CLNK: variants seen among roughly 807,000 people sequenced by gnomAD.
CLNK encodes cytokine dependent hematopoietic cell linker, also known as cytokine-dependent hematopoietic cell linker.
Under a neutral mutation model 68.6 loss-of-function variants are expected in CLNK, and 74 were observed. The ratio of observed to expected loss-of-function variants is 1.08; its 90% CI spans 0.89 to 1.31. CLNK has a LOEUF of 1.31. Ranked by LOEUF, CLNK falls within the 50% of genes most tolerant of loss-of-function variation. CLNK has a pLI of 0.00. For synonymous variants in CLNK, 198 were observed against 172.2 expected, an observed-to-expected ratio of 1.15 and a Z score of -1.17; for missense variants, 553 against 515.3, an observed-to-expected ratio of 1.07 and a Z score of -0.71.
chr4:10,708,822 A>G, the CLNK span, among the ~76,000 whole-genome samples: 3 of 152,232 alleles, frequency 2.0e-5, no homozygotes, highest in African/African-American at 7.2e-5. Flanking sequence ...CTTCATTCAT[A>G]GCATTTACAG....
intron 11 of CLNK, among the ~76,000 whole-genome samples, chr4:10,540,193 C>A (rs1024273983): frequency 6.6e-6 from 1 of 152,152 alleles, no homozygotes; most frequent in Non-Finnish European, 1.5e-5. Context: ...TTATACAGGG[C>A]TCTTCGCCAT....
intron 13 of CLNK, among the ~76,000 whole-genome samples, chr4:10,526,235 G>T (rs1337667017): frequency 6.6e-6 from 1 of 152,122 alleles, no homozygotes; most frequent in Admixed American, 6.5e-5. Context: ...GATTTTAAAA[G>T]ATTTTTAGCT....
intron 8 of CLNK, among the ~76,000 whole-genome samples, chr4:10,550,931 T>C (rs1283752198): frequency 6.6e-6 from 1 of 152,176 alleles, no homozygotes; most frequent in Non-Finnish European, 1.5e-5. Flanking sequence ...GCACTGAGAT[T>C]CCACGCAGCG....
At chr4:10,722,684 C>T in the CLNK span, among the ~76,000 whole-genome samples, 2 of 152,194 alleles carry the variant, frequency 1.3e-5, no homozygotes, top group East Asian at 1.9e-4. Context: ...TGCTATTGTA[C>T]ACTCCACAGG....
intron 2 of CLNK, among the ~76,000 whole-genome samples, chr4:10,637,246 G>C (rs773199315): frequency 7.2e-5 from 11 of 152,100 alleles, no homozygotes; most frequent in Non-Finnish European, 1.5e-4. Context: ...GAGCAAAAGG[G>C]AGTGTATTGT....
At chr4:10,494,156 T>C (rs1382930832) in intron 18 of CLNK, among the ~76,000 whole-genome samples, 2 of 152,244 alleles carry the variant, frequency 1.3e-5, no homozygotes, top group Non-Finnish European at 2.9e-5. Flanking sequence ...TTTCTCTGTC[T>C]TCATGCTTGC....
chr4:10,603,628 G>A lies in CLNK; in HGVS notation c.12-5579C>T, dbSNP rs984754850. ...AAGAGAAAGAGGCAGAATTGGGCAG[G>A]GGGAAAAGTGGGCTGTGATGCAGTT... On this transcript the variant is annotated intron_variant, in intron 2 of 18. Transcript: ENST00000226951. Among the ~76,000 whole-genome samples, 15 of 152,326 alleles carry A rather than the reference G, an allele frequency of 9.8e-5. No individual in the cohort carries two copies. The East Asian group carries it at 2.5e-3, about 25-fold the overall frequency.
chr4:10,604,075 C>T (rs1001488337), intron 2 of CLNK, among the ~76,000 whole-genome samples: 2 of 152,150 alleles, frequency 1.3e-5, no homozygotes, highest in African/African-American at 4.8e-5. Flanking sequence ...ACAAGCTATT[C>T]AATGAATCTC....
At chr4:10,533,150 C>T (rs534741500) in intron 11 of CLNK, among the ~76,000 whole-genome samples, 1 of 152,032 alleles carries the variant, frequency 6.6e-6, no homozygotes, top group Non-Finnish European at 1.5e-5. Flanking sequence ...CCCAGCTACT[C>T]GGGAGGCTGA....
chr4:10,672,043 C>A (rs982419630), intron 1 of CLNK, among the ~76,000 whole-genome samples: 3 of 152,108 alleles, frequency 2.0e-5, no homozygotes, highest in Admixed American at 6.6e-5. Context: ...ACTAAGATTG[C>A]AATGCATTGT....
intron 3 of CLNK, among the ~76,000 whole-genome samples, chr4:10,593,993 A>G (rs1341347814): frequency 1.3e-5 from 2 of 152,162 alleles, no homozygotes; most frequent in African/African-American, 4.8e-5. Flanking sequence ...CAAGCCCTTC[A>G]GCTCCCTGGT....
intron 2 of CLNK, among the ~76,000 whole-genome samples, chr4:10,618,353 G>C (rs952829382): frequency 6.6e-6 from 1 of 152,184 alleles, no homozygotes; most frequent in African/African-American, 2.4e-5. Flanking sequence ...ATTAGTAATT[G>C]CCTGGGGAAG....
At chr4:10,619,259 C>T (rs1020741076) in intron 2 of CLNK, among the ~76,000 whole-genome samples, 6 of 152,294 alleles carry the variant, frequency 3.9e-5, no homozygotes, top group South Asian at 2.1e-4. Context: ...AGCCTTTTCA[C>T]GCTAAATTAG....
chr4:10,546,509 T>C (rs1277570509), intron 8 of CLNK, among the ~76,000 whole-genome samples: 1 of 152,206 alleles, frequency 6.6e-6, no homozygotes, highest in Non-Finnish European at 1.5e-5. Flanking sequence ...CAGAATGGCC[T>C]TTACTGTCTA....
At chr4:10,656,331 C>CA (rs33941894) in intron 2 of CLNK, among the ~76,000 whole-genome samples, 1,226 of 89,308 alleles carry the variant, frequency 0.014, 20 homozygotes, top group African/African-American at 0.037. Flanking sequence ...AATGCCTGAC[C>CA]AAAAAAAAAA....
chr4:10,710,384 G>T, the CLNK span, among the ~76,000 whole-genome samples: 1 of 152,216 alleles, frequency 6.6e-6, no homozygotes, highest in Non-Finnish European at 1.5e-5. Context: ...AGGAAAAAAA[G>T]TGGACTAAGT....
chr4:10,515,374 A>G (rs1051825681), intron 15 of CLNK, among the ~76,000 whole-genome samples: 1 of 150,364 alleles, frequency 6.7e-6, no homozygotes, highest in Non-Finnish European at 1.5e-5. Flanking sequence ...CCAATTGTCT[A>G]CTCTGTTCTG....
intron 2 of CLNK, among the ~76,000 whole-genome samples, chr4:10,641,018 T>C (rs111228178): frequency 6.6e-6 from 1 of 152,032 alleles, no homozygotes; most frequent in African/African-American, 2.4e-5. Context: ...AGGGCTATTT[T>C]TCATGTAAAA....
chr4:10,527,439 T>C (rs1718362298), intron 13 of CLNK, among the ~76,000 whole-genome samples: 1 of 152,222 alleles, frequency 6.6e-6, no homozygotes. Context: ...GTGGCAGGCC[T>C]CTGAAATCCT....
Sources: allele counts gnomAD v4.1 joint callset (sites outside exome capture counted in the v4.1 genomes callset), GRCh38; gene constraint gnomAD v4.1.1; transcripts MANE v1.5; gene names NCBI Gene and HGNC (gene_info 2026-07-23, HGNC 2026-07-21).